ASZ1: variants seen among roughly 807,000 people sequenced by gnomAD.
ASZ1 encodes ankyrin repeat, SAM and basic leucine zipper domain-containing protein 1.
In ASZ1, 67 loss-of-function variants were observed where a neutral mutation model predicts 61.8. The ratio of observed to expected loss-of-function variants is 1.08; its 90% CI spans 0.89 to 1.33. The LOEUF is 1.33. ASZ1 is among the 40% of genes most tolerant of loss of function. The pLI, the probability that ASZ1 is intolerant of heterozygous loss-of-function variation, is 0.00. For missense variants in ASZ1, 577 were observed against 554.5 expected, an observed-to-expected ratio of 1.04 and a Z score of -0.41; for synonymous variants, 193 against 192.7, an observed-to-expected ratio of 1.00 and a Z score of -0.01.
Position 117,427,471 on chromosome 7 carries a change from G to A in ASZ1, c.-11C>T, listed in dbSNP as rs747122684. On this transcript the variant is annotated 5_prime_UTR_variant, in exon 1 of 13. Coordinates refer to ENST00000284629, the MANE Select transcript of ASZ1 (RefSeq NM_130768.3). Reference sequence around the variant, plus strand: ...CGCGCTCGCCGCCATGCCAGCCAAGGAAGCTCCCTGTCGGCACCGCGCGCC... The same window carrying A: ...CGCGCTCGCCGCCATGCCAGCCAAGAAAGCTCCCTGTCGGCACCGCGCGCC... 10 of 1,613,422 alleles carry A rather than the reference G, an allele frequency of 6.2e-6. No homozygotes were observed. The highest frequency in any genetic ancestry group is 3.3e-5 in the Admixed American group (2 of 59,966).
Position 117,367,473 on chromosome 7 carries a change from T to C in ASZ1, c.1162-8A>G. On this transcript the variant is annotated splice_region_variant and splice_polypyrimidine_tract_variant and intron_variant, in intron 11 of 12. Transcript: ENST00000284629. The stretch of plus-strand genomic sequence containing the variant: ...AGCCCATTCCAGTGTTATCTGTTAA[T>C]ATTTTCAAAAGTTCAACATTAAATA... The C allele has an allele frequency of 1.3e-6, 2 of 1,490,082 alleles. No homozygotes were observed. Among genetic ancestry groups the C allele is most frequent in the Non-Finnish European group, 1.8e-6 (2 of 1,119,540 alleles). The allele number at this position is 1,490,082 out of a possible 1,614,324, so 92.3% of individuals were successfully genotyped here.
intron 4 of ASZ1, among the ~76,000 whole-genome samples, chr7:117,408,041 A>G (rs906589768): frequency 6.6e-6 from 1 of 152,168 alleles, no homozygotes; most frequent in Non-Finnish European, 1.5e-5. Flanking sequence ...CACCAACTCA[A>G]AAGCTCTCTA....
chr7:117,414,996 CT>C (rs1410019840), intron 4 of ASZ1, among the ~76,000 whole-genome samples: 1 of 152,076 alleles, frequency 6.6e-6, no homozygotes, highest in Admixed American at 6.6e-5. Flanking sequence ...GAGTATATAC[CT>C]AGTAATGGGA....
intron 11 of ASZ1, chr7:117,367,855 T>C: frequency 1.0e-6 from 1 of 986,528 alleles, no homozygotes; most frequent in Non-Finnish European, 1.2e-6. Flanking sequence ...TCACATGAAA[T>C]AAGCTGCTTT....
chr7:117,372,401 C>T (rs944022849), intron 10 of ASZ1, among the ~76,000 whole-genome samples: 2 of 152,158 alleles, frequency 1.3e-5, no homozygotes, highest in Non-Finnish European at 2.9e-5. Flanking sequence ...TGCCATCTCT[C>T]TCTTCCCTTT....
At chr7:117,370,128 T>G (rs561443603) in intron 10 of ASZ1, among the ~76,000 whole-genome samples, 1 of 152,090 alleles carries the variant, frequency 6.6e-6, no homozygotes, top group Non-Finnish European at 1.5e-5. Context: ...TAAAGACTCA[T>G]GAAGATAGAT....
chr7:117,418,716 C>T (rs1750720353), intron 4 of ASZ1, among the ~76,000 whole-genome samples: 2 of 150,496 alleles, frequency 1.3e-5, no homozygotes, highest in African/African-American at 4.9e-5. Flanking sequence ...AATCCCAGCA[C>T]TTTGGGAGGT....
intron 12 of ASZ1, 41 bp from the exon 13 acceptor site, chr7:117,363,789 C>T (rs1386421836): frequency 7.1e-7 from 1 of 1,418,364 alleles, no homozygotes; most frequent in Non-Finnish European, 9.4e-7. Context: ...AGTTACTGTA[C>T]AATACATTAA....
At chr7:117,394,613 C>T (rs957349285) in intron 4 of ASZ1, among the ~76,000 whole-genome samples, 2 of 152,130 alleles carry the variant, frequency 1.3e-5, no homozygotes. Context: ...GTCTTTATTG[C>T]TTCAAACATA....
At chr7:117,377,666 G>A (rs1351929316) in intron 10 of ASZ1, among the ~76,000 whole-genome samples, 1 of 152,108 alleles carries the variant, frequency 6.6e-6, no homozygotes, top group Non-Finnish European at 1.5e-5. Context: ...CACAATCTCA[G>A]AAAGGTTTTT....
At chr7:117,418,166 A>G (rs10487364) in intron 4 of ASZ1, among the ~76,000 whole-genome samples, 10,586 of 152,204 alleles carry the variant, frequency 0.07, 409 homozygotes, top group Middle Eastern at 0.11. Flanking sequence ...GGCAGTCGGA[A>G]AAAAAGAAAG....
rs557326021 is a variant in ASZ1 at position 117,420,193 on chromosome 7, G to A, written c.410C>T (p.Ser137Leu). 5.6e-6 allele frequency: 9 copies of A among 1,611,168 alleles called. No individual in the cohort carries two copies. The highest frequency in any genetic ancestry group is 1.7e-5 in the Admixed American group (1 of 59,930). Residue 137 changes from serine to leucine, a missense_variant, in exon 4 of 13, where the codon TCA becomes TTA. Coordinates refer to ENST00000284629, the MANE Select transcript of ASZ1 (RefSeq NM_130768.3). ...AGCAACATTTGGATCAGCATTTCTT[G>A]AAAGTAGTAGTTCTACACACTTCAA... ...QILKCVELLL[S>L]RNADPNVACR...
intron 4 of ASZ1, among the ~76,000 whole-genome samples, chr7:117,408,374 TA>T (rs1796831794): frequency 6.6e-6 from 1 of 152,106 alleles, no homozygotes; most frequent in African/African-American, 2.4e-5. Context: ...TATCATTCAA[TA>T]AATTACAAGG....
chr7:117,365,897 C>T (rs1240809754), intron 12 of ASZ1, among the ~76,000 whole-genome samples: 1 of 152,234 alleles, frequency 6.6e-6, no homozygotes, highest in African/African-American at 2.4e-5. Flanking sequence ...CTCATTTCCT[C>T]ATTTAAAATG....
At chr7:117,422,176 C>A in intron 3 of ASZ1, 61 bp downstream of exon 3, 2 of 1,554,786 alleles carry the variant, frequency 1.3e-6, no homozygotes, top group Non-Finnish European at 8.7e-7. Flanking sequence ...TATATAATAG[C>A]TACTTGGAAA....
rs1797228844 is a variant in ASZ1, at chr7:117,426,893, A to G, written c.148T>C (p.Phe50Leu). 1 of 1,612,896 alleles carries G rather than the reference A, an allele frequency of 6.2e-7. No individual in the cohort carries two copies. Among genetic ancestry groups the G allele is most frequent in the Non-Finnish European group, 8.5e-7 (1 of 1,179,740 alleles). ...LLPIEEKKEKFKKAMTIGDVS... is the reference protein window; with the variant it reads ...LLPIEEKKEKLKKAMTIGDVS... ...TCTCCGATGGTCATTGCTTTCTTAA[A>G]TTTTTCTTTCTTTTCTTCAATGGGT... Residue 50 changes from phenylalanine to leucine, a missense_variant, in exon 2 of 13, where the codon TTT (phenylalanine) becomes CTT (leucine). Transcript: ENST00000284629.
chr7:117,416,290 A>G (rs1796989871), intron 4 of ASZ1, among the ~76,000 whole-genome samples: 1 of 152,230 alleles, frequency 6.6e-6, no homozygotes, highest in Non-Finnish European at 1.5e-5. Context: ...GGACTTAGAA[A>G]GACGTACTAT....
intron 4 of ASZ1, among the ~76,000 whole-genome samples, chr7:117,386,646 A>G (rs578199249): frequency 6.6e-6 from 1 of 152,312 alleles, no homozygotes; most frequent in East Asian, 1.9e-4. Flanking sequence ...TGGAAAAGAA[A>G]AATAAATAAT....
At chr7:117,419,081 A>G (rs1797052876) in intron 4 of ASZ1, among the ~76,000 whole-genome samples, 1 of 152,104 alleles carries the variant, frequency 6.6e-6, no homozygotes, top group Admixed American at 6.6e-5. Flanking sequence ...TTTCTCAACC[A>G]TGGCACTACT....
Sources: allele counts gnomAD v4.1 joint callset (sites outside exome capture counted in the v4.1 genomes callset), GRCh38; gene constraint gnomAD v4.1.1; transcripts MANE v1.5; gene names NCBI Gene and HGNC (gene_info 2026-07-23, HGNC 2026-07-21).